ANK3: variants seen among roughly 807,000 people sequenced by gnomAD.
ANK3 encodes ankyrin 3.
In ANK3, 57 loss-of-function variants were observed where a neutral mutation model predicts 370.9. The observed-to-expected ratio is 0.15, with a 90% CI of 0.12 to 0.19. The LOEUF (loss-of-function observed/expected upper bound fraction) is 0.19, where lower values mean the gene tolerates loss of function less well. Ranked by LOEUF, ANK3 falls within the 10% of genes least tolerant of loss-of-function variation. The pLI is 1.00. For synonymous variants in ANK3, 1,929 were observed against 1,946.3 expected (o/e 0.99, Z 0.23); for missense variants, 4,439 against 5,302.1 (o/e 0.84, Z 5.06).
At chr10:60,641,657 A>C (rs2078634733) in intron 1 of ANK3, among the ~76,000 whole-genome samples, 2 of 152,166 alleles carry the variant, frequency 1.3e-5, no homozygotes, top group Non-Finnish European at 1.5e-5. Flanking sequence ...CTTAAATGTT[A>C]GACCTAAAAC....
chr10:60,589,714 T>G (rs1166569158), intron 2 of ANK3, among the ~76,000 whole-genome samples: 1 of 152,252 alleles, frequency 6.6e-6, no homozygotes, highest in African/African-American at 2.4e-5. Flanking sequence ...AAAATAATCT[T>G]GTAATTCTTT....
At chr10:60,182,213 T>A (rs936181100) in intron 17 of ANK3, among the ~76,000 whole-genome samples, 1 of 152,204 alleles carries the variant, frequency 6.6e-6, no homozygotes, top group African/African-American at 2.4e-5. Flanking sequence ...TTCTCCATAT[T>A]AATTCCCAAG....
intron 10 of ANK3, 127 bp downstream of exon 10, chr10:60,207,909 A>G (rs1442017905): frequency 9.4e-6 from 8 of 851,312 alleles, no homozygotes; most frequent in Non-Finnish European, 1.1e-5. Context: ...ATTTGAAAAA[A>G]TTGACAAGAA....
chr10:60,194,116 G>A (rs938064984), intron 16 of ANK3, among the ~76,000 whole-genome samples: 22 of 151,880 alleles, frequency 1.4e-4, no homozygotes, highest in African/African-American at 2.9e-4. Flanking sequence ...GCGAGACTCC[G>A]TCTCAAAAAA....
intron 2 of ANK3, among the ~76,000 whole-genome samples, chr10:60,433,120 A>G (rs1375994264): frequency 6.6e-6 from 1 of 151,514 alleles, no homozygotes; most frequent in Non-Finnish European, 1.5e-5. Flanking sequence ...AAAAAGAAAC[A>G]TTAAAACAAC....
intron 2 of ANK3, among the ~76,000 whole-genome samples, chr10:60,542,482 G>A (rs2076872572): frequency 6.6e-6 from 1 of 151,796 alleles, no homozygotes; most frequent in Admixed American, 6.6e-5. Context: ...CTACTAAGAA[G>A]ACAAATCCCG....
intron 2 of ANK3, among the ~76,000 whole-genome samples, chr10:60,599,844 C>A (rs886687044): frequency 4.6e-5 from 7 of 152,108 alleles, no homozygotes; most frequent in African/African-American, 1.7e-4. Flanking sequence ...TGGACAAGGC[C>A]CTGCCTTCCT....
chr10:60,109,898 A>G (rs1001550643), intron 26 of ANK3, among the ~76,000 whole-genome samples: 1 of 152,242 alleles, frequency 6.6e-6, no homozygotes, highest in Non-Finnish European at 1.5e-5. Flanking sequence ...TCCCACTATC[A>G]TCATCACAGA....
At chr10:60,462,413 GA>G (rs1180486625) in intron 2 of ANK3, among the ~76,000 whole-genome samples, 2 of 152,022 alleles carry the variant, frequency 1.3e-5, no homozygotes, top group African/African-American at 4.8e-5. Context: ...TCTGTTCCTT[GA>G]AAATGTTTAC....
In ANK3 at chr10:60,072,305, C is replaced by T. The variant is rs1367058383; in HGVS notation, c.8576G>A (p.Gly2859Glu). ...TTTCTGAGACTTATTGTTAGTGGCT[C>T]CCGAACTCTCCCATGTTCTAAAGAC... ...KKVFRTWESSGATNNKSQKEK... is the reference protein window; with the variant it reads ...KKVFRTWESSEATNNKSQKEK... Residue 2859 changes from glycine to glutamate, a missense_variant, in exon 37 of 44, where the codon GGA becomes GAA. By Grantham distance (98) the Gly-to-Glu change is moderately conservative. Around this residue, in one of 13 missense-constraint regions of ANK3, gnomAD observed 1,601 missense variants for 1,731.7 expected, o/e 0.92. Transcript: ENST00000280772. 3 of 1,613,940 alleles carry T rather than the reference C, an allele frequency of 1.9e-6. No individual in the cohort carries two copies. In the African/African-American group the frequency reaches 4.0e-5, roughly 22 times the overall value.
chr10:60,311,133 A>G (rs1242890635), intron 1 of ANK3, among the ~76,000 whole-genome samples: 1 of 152,204 alleles, frequency 6.6e-6, no homozygotes, highest in Admixed American at 6.5e-5. Context: ...AATTACAAAG[A>G]CTTGTGGAAG....
chr10:60,524,294 G>A (rs919489495), intron 2 of ANK3, among the ~76,000 whole-genome samples: 1 of 152,076 alleles, frequency 6.6e-6, no homozygotes, highest in Non-Finnish European at 1.5e-5. Flanking sequence ...GCAGCAACCT[G>A]GAACCTGGCT....
At chr10:60,172,163 T>C (rs1446459871) in intron 21 of ANK3, 145 bp downstream of exon 21, 1 of 606,936 alleles carries the variant, frequency 1.6e-6, no homozygotes, top group Non-Finnish European at 2.9e-6. Flanking sequence ...AGTTTTGCTA[T>C]CCTGACTACC....
upstream of ANK3, among the ~76,000 whole-genome samples, chr10:60,393,288 C>T (rs1337689040): frequency 2.0e-5 from 3 of 152,182 alleles, no homozygotes; most frequent in South Asian, 4.2e-4. Flanking sequence ...ACCATACTGC[C>T]CCAAAGAGTC....
At chr10:60,575,621 A>T (rs1437982458) in intron 2 of ANK3, among the ~76,000 whole-genome samples, 2 of 152,210 alleles carry the variant, frequency 1.3e-5, no homozygotes, top group African/African-American at 2.4e-5. Context: ...TAACTTGATA[A>T]GTTCCAGACT....
chr10:60,703,934 T>G (rs537226166), intron 1 of ANK3, among the ~76,000 whole-genome samples: 2 of 152,258 alleles, frequency 1.3e-5, no homozygotes, highest in African/African-American at 4.8e-5. Context: ...AACACCGGCT[T>G]TTGATCTGAT....
At chr10:60,270,975 T>C (rs995284011) in intron 4 of ANK3, among the ~76,000 whole-genome samples, 1 of 152,196 alleles carries the variant, frequency 6.6e-6, no homozygotes, top group African/African-American at 2.4e-5. Flanking sequence ...TGAATGTGTC[T>C]GTGTGCCTCT....
intron 2 of ANK3, among the ~76,000 whole-genome samples, chr10:60,481,111 T>C (rs1442681705): frequency 1.3e-5 from 2 of 152,178 alleles, no homozygotes; most frequent in Non-Finnish European, 2.9e-5. Context: ...CCCTGGTTAT[T>C]CATCTCTATG....
rs145587113 is a variant in ANK3, at chr10:60,332,382, A to G, written c.115-52743T>C. The stretch of plus-strand genomic sequence containing the variant: ...TAGAAGCTCACCTCATATCAAGTAC[A>G]TATTCTAATGCAAAGTATGAATTTC... On this transcript the variant is annotated intron_variant, in intron 1 of 43. Transcript: ENST00000280772. Among the ~76,000 whole-genome samples, 71 of 152,346 alleles carry G rather than the reference A, an allele frequency of 4.7e-4. No individual in the cohort carries two copies. In the Middle Eastern group the frequency reaches 0.017, roughly 36 times the overall value.
Sources: gnomAD v4.1 joint callset for allele counts (sites outside exome capture counted in the v4.1 genomes callset) on GRCh38, gnomAD v4.1.1 for gene constraint, gnomAD v4.1.1 regional missense constraint, MANE v1.5 for transcripts, NCBI Gene and HGNC (gene_info 2026-07-23, HGNC 2026-07-21) for gene names.